Variants in DLGAP2 observed in about 807,000 individuals in gnomAD.
The protein encoded by DLGAP2 is disks large-associated protein 2.
DLGAP2 carries 26 observed loss-of-function variants against 100.3 expected under a neutral mutation model. The ratio of observed to expected loss-of-function variants is 0.26; its 90% CI spans 0.19 to 0.36. The LOEUF (loss-of-function observed/expected upper bound fraction) is 0.36, where lower values mean the gene tolerates loss of function less well. DLGAP2 is among the 10% of genes least tolerant of loss of function. The pLI is 1.00. For synonymous variants in DLGAP2, 886 were observed against 630.1 expected (o/e 1.41, Z -6.08); for missense variants, 1,858 against 1,453.2 (o/e 1.28, Z -4.53).
At chr8:1,338,216 A>G (rs1801333218) in intron 3 of DLGAP2, among the ~76,000 whole-genome samples, 1 of 152,280 alleles carries the variant, frequency 6.6e-6, no homozygotes. Context: ...GTATGTCTAC[A>G]CAGAAACTCA....
intron 3 of DLGAP2, among the ~76,000 whole-genome samples, chr8:1,465,620 C>G (rs1238816247): frequency 6.6e-6 from 1 of 152,212 alleles, no homozygotes; most frequent in African/African-American, 2.4e-5. Context: ...TCTGGAAGCT[C>G]CACAAAAACC....
chr8:951,285 G>T (rs1437445542), intron 2 of DLGAP2, among the ~76,000 whole-genome samples: 1 of 152,100 alleles, frequency 6.6e-6, no homozygotes, highest in East Asian at 1.9e-4. Context: ...GTATTCTGTT[G>T]CCCTGGCTGG....
intron 4 of DLGAP2, among the ~76,000 whole-genome samples, chr8:1,513,717 C>T (rs1216715376): frequency 6.6e-6 from 1 of 152,224 alleles, no homozygotes; most frequent in Non-Finnish European, 1.5e-5. Flanking sequence ...CCTAAAAGTA[C>T]ACTTTTTAAT....
chr8:1,657,965 T>A (rs1366645922), intron 8 of DLGAP2, among the ~76,000 whole-genome samples: 1 of 152,172 alleles, frequency 6.6e-6, no homozygotes, highest in Admixed American at 6.5e-5. Flanking sequence ...GACTTCCTTA[T>A]GCTGAGGGAG....
In DLGAP2 at chr8:1,548,840, CG is replaced by C. The variant is rs755665055; in HGVS notation, c.393del (p.Arg132AlafsTer15). 1.3e-6 allele frequency: 2 copies of C among 1,579,554 alleles called. No individual in the cohort carries two copies. Among genetic ancestry groups the C allele is most frequent in the African/African-American group, 1.3e-5 (1 of 74,474 alleles). The stretch of plus-strand genomic sequence containing the variant: ...TGCTGAGCCCCGCCGACAGCTGCCC[CG>C]GGGGGCGCCACCGCTGCTCGCCGCG... ...YLLSPADSCP[G>X]GRHRCSPRSS... On this transcript the variant is annotated frameshift_variant, in exon 5 of 15. Transcript: ENST00000637795. LOFTEE classifies it high-confidence loss of function.
chr8:1,205,050 C>T lies in DLGAP2; in HGVS notation c.74-53801C>T, dbSNP rs571880809. On this transcript the variant is annotated intron_variant, in intron 2 of 14. Transcript: ENST00000637795. ...TTGCAGTCATTAGGGCTGGTCTCTGCATCATGGGGAACCGGAATGTGGTTG... is the reference window on the plus strand; with the variant it reads ...TTGCAGTCATTAGGGCTGGTCTCTGTATCATGGGGAACCGGAATGTGGTTG... 2.8e-4 allele frequency among the ~76,000 whole-genome samples: 42 copies of T among 152,296 alleles called. 1 individual carries two copies. In the South Asian group the frequency reaches 8.3e-3, roughly 30 times the overall value.
At chr8:1,074,520 G>C (rs763551434) in intron 2 of DLGAP2, among the ~76,000 whole-genome samples, 2 of 152,202 alleles carry the variant, frequency 1.3e-5, no homozygotes, top group Non-Finnish European at 2.9e-5. Context: ...GACAGAGAGA[G>C]CTCCCACCTT....
At chr8:1,305,853 C>A (rs942949339) in intron 3 of DLGAP2, among the ~76,000 whole-genome samples, 1 of 152,194 alleles carries the variant, frequency 6.6e-6, no homozygotes, top group Non-Finnish European at 1.5e-5. Context: ...AGGTCAGGAA[C>A]AAGGCAAGTG....
intron 1 of DLGAP2, among the ~76,000 whole-genome samples, chr8:900,292 C>T (rs1002837916): frequency 6.6e-6 from 1 of 150,874 alleles, no homozygotes; most frequent in Non-Finnish European, 1.5e-5. Flanking sequence ...GGCGTCGCTC[C>T]CGGGCGGACG....
intron 1 of DLGAP2, among the ~76,000 whole-genome samples, chr8:877,666 T>C (rs1246455934): frequency 6.6e-6 from 1 of 152,230 alleles, no homozygotes; most frequent in East Asian, 1.9e-4. Context: ...AGTTCTTCCC[T>C]GCAAGCCAGT....
intron 2 of DLGAP2, among the ~76,000 whole-genome samples, chr8:1,191,997 TG>T (rs1797650269): frequency 6.6e-6 from 1 of 152,212 alleles, no homozygotes; most frequent in South Asian, 2.1e-4. Context: ...AATCACAGCA[TG>T]GGGCTGTGAG....
intron 2 of DLGAP2, among the ~76,000 whole-genome samples, chr8:938,987 A>G (rs1799135066): frequency 2.6e-5 from 4 of 152,254 alleles, no homozygotes; most frequent in Admixed American, 2.0e-4. Context: ...AAACCTCTGC[A>G]GGCAACCTCC....
intron 3 of DLGAP2, among the ~76,000 whole-genome samples, chr8:1,308,545 G>T (rs1800543680): frequency 6.6e-6 from 1 of 152,168 alleles, no homozygotes; most frequent in African/African-American, 2.4e-5. Flanking sequence ...TTTGTTTTGA[G>T]ACGTAGTTTC....
chr8:1,281,001 C>T (rs914992066), intron 3 of DLGAP2, among the ~76,000 whole-genome samples: 8 of 152,180 alleles, frequency 5.3e-5, no homozygotes, highest in Admixed American at 2.0e-4. Flanking sequence ...GATAGCTCCA[C>T]GACCTTGGTC....
At chr8:1,028,156 G>C (rs1364012307) in intron 2 of DLGAP2, among the ~76,000 whole-genome samples, 2 of 134,716 alleles carry the variant, frequency 1.5e-5, no homozygotes, top group East Asian at 2.4e-4. Context: ...TCTCCAGGTG[G>C]GGTACCAGGC....
chr8:1,160,689 C>T (rs978120763), intron 2 of DLGAP2, among the ~76,000 whole-genome samples: 2 of 152,232 alleles, frequency 1.3e-5, no homozygotes, highest in Non-Finnish European at 2.9e-5. Flanking sequence ...AACTCCAGGA[C>T]AGTGCGGACC....
intron 2 of DLGAP2, among the ~76,000 whole-genome samples, chr8:1,190,543 C>T (rs1293966811): frequency 6.6e-6 from 1 of 152,196 alleles, no homozygotes; most frequent in Non-Finnish European, 1.5e-5. Flanking sequence ...TCTGGCCGCC[C>T]CGTCCTTGCT....
chr8:904,920 A>T (rs1220300159), intron 1 of DLGAP2, among the ~76,000 whole-genome samples: 1 of 152,196 alleles, frequency 6.6e-6, no homozygotes, highest in East Asian at 1.9e-4. Flanking sequence ...AGGAAGAAAT[A>T]AACCTATTAT....
chr8:993,725 G>A (rs1268342649), intron 2 of DLGAP2, among the ~76,000 whole-genome samples: 3 of 149,646 alleles, frequency 2.0e-5, no homozygotes, highest in East Asian at 4.0e-4. Flanking sequence ...TTTCAACATA[G>A]TGGCCAGAGG....
Sources: allele counts gnomAD v4.1 joint callset (sites outside exome capture counted in the v4.1 genomes callset), GRCh38; gene constraint gnomAD v4.1.1; transcripts MANE v1.5; gene names NCBI Gene and HGNC (gene_info 2026-07-23, HGNC 2026-07-21).